Variants in RGS5 observed in about 807,000 individuals in gnomAD.
RGS5 encodes regulator of G protein signaling 5, also known as regulator of G-protein signalling 5.
In RGS5, 20 loss-of-function variants were observed where a neutral mutation model predicts 18.9. The observed-to-expected ratio is 1.06, with a 90% CI of 0.74 to 1.54. RGS5 has a LOEUF of 1.54. Among genes scored for constraint, RGS5 ranks in the 40% most tolerant of loss-of-function variants. RGS5 has a pLI of 0.00. For synonymous variants in RGS5, 57 were observed against 76.2 expected, an observed-to-expected ratio of 0.75 and a Z score of 1.31; for missense variants, 201 against 211.8, an observed-to-expected ratio of 0.95 and a Z score of 0.32.
intron 2 of RGS5, among the ~76,000 whole-genome samples, chr1:163,299,154 G>A (rs1447977024): frequency 2.6e-5 from 4 of 152,180 alleles, no homozygotes; most frequent in Non-Finnish European, 5.9e-5. Flanking sequence ...AGTATGCAGT[G>A]CAGTTTTACA....
At chr1:163,248,902 C>G (rs1041914102) in intron 2 of RGS5, among the ~76,000 whole-genome samples, 3 of 152,058 alleles carry the variant, frequency 2.0e-5, no homozygotes, top group African/African-American at 7.2e-5. Flanking sequence ...ACCCAAATGT[C>G]GAGGAGGAAG....
At chr1:163,174,967 T>C (rs1489375586) in intron 1 of RGS5, among the ~76,000 whole-genome samples, 1 of 152,144 alleles carries the variant, frequency 6.6e-6, no homozygotes, top group East Asian at 1.9e-4. Flanking sequence ...TTCAATGCAA[T>C]TTAAATCCGT....
At chr1:163,176,360 G>A (rs897951088) in intron 1 of RGS5, among the ~76,000 whole-genome samples, 1 of 152,190 alleles carries the variant, frequency 6.6e-6, no homozygotes, top group Non-Finnish European at 1.5e-5. Context: ...AGTGGCCCAC[G>A]CCTGTAATCC....
chr1:163,175,993 A>G (rs1231318008), intron 1 of RGS5, among the ~76,000 whole-genome samples: 1 of 152,240 alleles, frequency 6.6e-6, no homozygotes, highest in South Asian at 2.1e-4. Context: ...TTTCACTCAT[A>G]TTAGTGATTA....
chr1:163,191,963 G>A lies in RGS5; in HGVS notation c.44+10829C>T, dbSNP rs1016169072. 4.6e-5 allele frequency among the ~76,000 whole-genome samples: 7 copies of A among 152,208 alleles called. No individual in the cohort carries two copies. In the East Asian group the frequency reaches 5.8e-4, roughly 13 times the overall value. On this transcript the variant is annotated intron_variant, in intron 1 of 4. Coordinates refer to ENST00000313961, the MANE Select transcript of RGS5 (RefSeq NM_003617.4). ...GCAGGGTTCAGAGAGCTTCTGGGTT[G>A]GTGAACAAAAATGCATCAAGGGGCT...
At chr1:163,193,048 A>G (rs1390540893) in intron 1 of RGS5, among the ~76,000 whole-genome samples, 2 of 152,234 alleles carry the variant, frequency 1.3e-5, no homozygotes, top group African/African-American at 2.4e-5. Context: ...ACAGCTCCAC[A>G]TACTTCGCTA....
At chr1:163,230,962 A>G (rs1647464792) in intron 2 of RGS5, among the ~76,000 whole-genome samples, 1 of 152,216 alleles carries the variant, frequency 6.6e-6, no homozygotes, top group Non-Finnish European at 1.5e-5. Context: ...ATTATTGATT[A>G]TAAGATGGCA....
At chr1:163,283,472 T>C (rs1398337738) in intron 2 of RGS5, among the ~76,000 whole-genome samples, 1 of 152,192 alleles carries the variant, frequency 6.6e-6, no homozygotes, top group Non-Finnish European at 1.5e-5. Flanking sequence ...ATGATTATGA[T>C]AATAGTACAG....
chr1:163,277,626 T>C (rs1456934885), intron 2 of RGS5, among the ~76,000 whole-genome samples: 2 of 152,202 alleles, frequency 1.3e-5, no homozygotes, highest in Non-Finnish European at 2.9e-5. Flanking sequence ...CCATAACCAC[T>C]GTACCCTTAA....
intron 2 of RGS5, among the ~76,000 whole-genome samples, chr1:163,251,133 T>A (rs1648096429): frequency 2.0e-5 from 3 of 152,210 alleles, no homozygotes; most frequent in Non-Finnish European, 2.9e-5. Context: ...GTTACATTTA[T>A]GTAAGACAAT....
At chr1:163,289,126 A>G (rs1649215836) in intron 2 of RGS5, among the ~76,000 whole-genome samples, 1 of 152,028 alleles carries the variant, frequency 6.6e-6, no homozygotes, top group Non-Finnish European at 1.5e-5. Flanking sequence ...TGAATGTCAT[A>G]TATTACTTTT....
chr1:163,153,041 C>T (rs927643761), intron 3 of RGS5, among the ~76,000 whole-genome samples: 1 of 152,120 alleles, frequency 6.6e-6, no homozygotes, highest in African/African-American at 2.4e-5. Flanking sequence ...TACCTATTTA[C>T]GTATCAAGGA....
chr1:163,266,137 C>CCT (rs35450329), intron 2 of RGS5, among the ~76,000 whole-genome samples: 43,679 of 151,766 alleles, frequency 0.29, 6,411 homozygotes, highest in Non-Finnish European at 0.32. Context: ...GGGATCTGCT[C>CCT]CTGTTTTTAT....
rs114468283 is a variant in RGS5 at position 163,187,904 on chromosome 1, G to A, written c.44+14888C>T. Among the ~76,000 whole-genome samples the A allele has an allele frequency of 2.8e-3, 427 of 152,174 alleles. 4 individuals are homozygous for A. The highest frequency in any genetic ancestry group is 8.8e-3 in the African/African-American group (366 of 41,512). On this transcript the variant is annotated intron_variant, in intron 1 of 4. Coordinates refer to ENST00000313961, the MANE Select transcript of RGS5 (RefSeq NM_003617.4). ...CACTGGTAGGGGGAGTGGTCTTGTG[G>A]GACTGAGCCCTCAACCTGTGGGATT...
At chr1:163,282,947 C>T (rs1446475315) in intron 2 of RGS5, among the ~76,000 whole-genome samples, 1 of 152,030 alleles carries the variant, frequency 6.6e-6, no homozygotes, top group Non-Finnish European at 1.5e-5. Flanking sequence ...GGAATACTAT[C>T]CAGCCATAAA....
At chr1:163,242,695 T>G (rs111343203) in intron 2 of RGS5, among the ~76,000 whole-genome samples, 10 of 152,090 alleles carry the variant, frequency 6.6e-5, no homozygotes, top group African/African-American at 2.2e-4. Context: ...TAGCCTACTA[T>G]GAGAAGAGCT....
intron 2 of RGS5, among the ~76,000 whole-genome samples, chr1:163,305,946 G>C (rs950673136): frequency 5.9e-5 from 9 of 152,130 alleles, no homozygotes; most frequent in Non-Finnish European, 1.0e-4. Context: ...ATCTGCTATG[G>C]AGTCTATAAC....
At chr1:163,295,726 T>A (rs1649405736) in intron 2 of RGS5, among the ~76,000 whole-genome samples, 3 of 152,204 alleles carry the variant, frequency 2.0e-5, no homozygotes, top group African/African-American at 7.2e-5. Context: ...TGAAGTGGAA[T>A]CTTCAAAGGC....
chr1:163,288,889 A>T lies in RGS5; in HGVS notation c.-281+17344T>A, dbSNP rs575929820. On this transcript the variant is annotated intron_variant, in intron 2 of 5. Coordinates refer to the RGS5 transcript ENST00000618415. ...TAGGCAACACCATCTGTACTCAATT[A>T]GAAACCTAAAAGTAATAATAGACTC... 4.2e-4 allele frequency among the ~76,000 whole-genome samples: 64 copies of T among 152,310 alleles called. 2 individuals carry two copies. The Middle Eastern group carries it at 0.017, about 40-fold the overall frequency.
Sources: gnomAD v4.1 joint callset for allele counts (sites outside exome capture counted in the v4.1 genomes callset) on GRCh38, gnomAD v4.1.1 for gene constraint, MANE v1.5 for transcripts, NCBI Gene and HGNC (gene_info 2026-07-23, HGNC 2026-07-21) for gene names.